The following PROSER3 variants were observed in gnomAD, a reference collection of about 807,000 sequenced individuals.
The protein encoded by PROSER3 is proline and serine rich 3.
Under a neutral mutation model 50.2 loss-of-function variants are expected in PROSER3, and 33 were observed. That is an observed-to-expected ratio of 0.66 (90% CI 0.50 to 0.88). PROSER3 has a LOEUF of 0.88. Among genes scored for constraint, PROSER3 ranks in the 40% least tolerant of loss-of-function variants. The pLI is 0.00. For synonymous variants in PROSER3, 266 were observed against 259.3 expected (o/e 1.03, Z -0.25); for missense variants, 623 against 612.7 (o/e 1.02, Z -0.18).
intron 8 of PROSER3, chr19:35,767,223 G>T: frequency 2.4e-6 from 1 of 418,616 alleles, no homozygotes. Flanking sequence ...CACATCTTTT[G>T]GGCCCCCAGC....
chr19:35,761,423 G>A (rs948766809), intron 3 of PROSER3, among the ~76,000 whole-genome samples: 1 of 152,146 alleles, frequency 6.6e-6, no homozygotes, highest in Non-Finnish European at 1.5e-5. Context: ...TGTAATTCCA[G>A]CACTTTGGGA....
At chr19:35,762,422 TAGA>T (rs774349425) in intron 5 of PROSER3, 66 bp downstream of exon 5, 15 of 1,414,236 alleles carry the variant, frequency 1.1e-5, no homozygotes, top group Admixed American at 4.0e-5. Context: ...AGGACAGAAT[TAGA>T]AGATCAGGAG....
chr19:35,763,549 G>T lies in PROSER3; in HGVS notation c.543+1193G>T, dbSNP rs139633282. 1.4e-3 allele frequency among the ~76,000 whole-genome samples: 198 copies of T among 142,140 alleles called. 5 individuals are homozygous for T. In the East Asian group the frequency reaches 0.037, roughly 27 times the overall value. The allele number at this position is 142,140 out of a possible 152,430, so 93.2% of individuals were successfully genotyped here. ...GACGGAGTCTTGTGCTGTCATCCAG[G>T]CTGGAGTGCAGTGGCGCGATCTCGG... is the stretch of plus-strand genomic sequence containing the variant. On this transcript the variant is annotated intron_variant, in intron 5 of 10. Transcript: ENST00000396908.
At chr19:35,764,819 G>C in intron 5 of PROSER3, 35 bp from the exon 6 acceptor site, 1 of 1,585,064 alleles carries the variant, frequency 6.3e-7, no homozygotes, top group Non-Finnish European at 8.6e-7. Flanking sequence ...GCAGCCTTTG[G>C]GTTGGGGCTG....
chr19:35,758,188 C>A (rs940206213), exon 1 of PROSER3: 29 of 1,555,894 alleles, frequency 1.9e-5, no homozygotes, highest in Non-Finnish European at 2.1e-5. Context: ...AGGAGCAGAG[C>A]GGCCGGAAGC....
At chr19:35,759,446 C>T (rs1327715087) in exon 2 of PROSER3, 1 of 1,613,102 alleles carries the variant, frequency 6.2e-7, no homozygotes, top group South Asian at 1.1e-5. Context: ...ACTGGCCATC[C>T]CAGAGCCAGA....
chr19:35,768,916 A>G (rs1971264257), exon 11 of PROSER3: 1 of 162,726 alleles, frequency 6.1e-6, no homozygotes. Context: ...GCTATAGCCC[A>G]CACATGCTTG....
At chr19:35,767,031 C>CCT (rs35876904) in intron 8 of PROSER3, 41 bp from the exon 9 acceptor site, 8 of 1,380,654 alleles carry the variant, frequency 5.8e-6, no homozygotes, top group African/African-American at 1.5e-5. Context: ...GACCCTCCAC[C>CCT]CTCTCTCTCT....
intron 2 of PROSER3, 78 bp from the exon 3 acceptor site, chr19:35,759,711 G>A: frequency 7.4e-7 from 1 of 1,348,216 alleles, no homozygotes; most frequent in East Asian, 2.5e-5. Flanking sequence ...CTGAGACTTT[G>A]TGTGTGTCCT....
At chr19:35,764,369 C>T (rs1599752745) in intron 5 of PROSER3, among the ~76,000 whole-genome samples, 1 of 152,172 alleles carries the variant, frequency 6.6e-6, no homozygotes, top group African/African-American at 2.4e-5. Flanking sequence ...ATGAAAGGTG[C>T]TAATCCACCG....
At chr19:35,759,346 C>G in intron 1 of PROSER3, 28 bp from the exon 2 acceptor site, 4 of 1,598,522 alleles carry the variant, frequency 2.5e-6, no homozygotes, top group Non-Finnish European at 3.4e-6. Context: ...AAACCACGTG[C>G]TGCCTGAACC....
Position 35,768,077 on chromosome 19 carries a change from G to T in PROSER3, c.1219+12G>T. The T allele has an allele frequency of 6.3e-7, 1 of 1,585,854 alleles. No individual in the cohort carries two copies. ...GCAGGCTGCAGAAGGTGATGCCCGC[G>T]CCCTCCTGGATGTTGGAGGCAGGCC... On this transcript the variant is annotated intron_variant, in intron 9 of 10. Coordinates refer to ENST00000396908, the Ensembl canonical transcript of PROSER3.
chr19:35,758,223 G>T, exon 1 of PROSER3: 1 of 1,562,338 alleles, frequency 6.4e-7, no homozygotes, highest in African/African-American at 1.4e-5. Context: ...GGGATGGACC[G>T]CAGGTGAGGC....
intron 1 of PROSER3, 132 bp downstream of exon 1, chr19:35,758,358 A>G: frequency 8.1e-7 from 1 of 1,233,628 alleles, no homozygotes; most frequent in Non-Finnish European, 1.1e-6. Flanking sequence ...ACAATTCCCA[A>G]CATGCTCCAC....
chr19:35,764,660 A>G (rs2146601931), intron 5 of PROSER3, among the ~76,000 whole-genome samples, 194 bp from the exon 6 acceptor site: 1 of 152,038 alleles, frequency 6.6e-6, no homozygotes, highest in East Asian at 1.9e-4. Context: ...ATCTCAAAAA[A>G]AAAAAGAAAA....
chr19:35,769,910 G>A (rs1028440908), downstream of PROSER3: 1 of 151,274 alleles, frequency 6.6e-6, no homozygotes, highest in African/African-American at 2.4e-5. Flanking sequence ...TTCTTTGTTT[G>A]TTTGTTTGTT....
chr19:35,760,763 A>G (rs2146565257), intron 3 of PROSER3, among the ~76,000 whole-genome samples: 1 of 152,212 alleles, frequency 6.6e-6, no homozygotes, highest in East Asian at 1.9e-4. Context: ...CTGGGATTAC[A>G]GGTGTGAGCC....
intron 1 of PROSER3, chr19:35,759,058 T>C (rs1055230570): frequency 5.6e-5 from 15 of 269,590 alleles, no homozygotes; most frequent in African/African-American, 1.5e-4. Flanking sequence ...CTAATAGATA[T>C]TCTGATTCTG....
At chr19:35,763,103 T>C (rs1971013101) in intron 5 of PROSER3, 1 of 152,080 alleles carries the variant, frequency 6.6e-6, no homozygotes, top group African/African-American at 2.4e-5. Context: ...ATTTGCTGGC[T>C]AATGTAATTG....
Sources: gnomAD v4.1 joint callset for allele counts (sites outside exome capture counted in the v4.1 genomes callset) on GRCh38, gnomAD v4.1.1 for gene constraint, MANE v1.5 for transcripts, NCBI Gene and HGNC (gene_info 2026-07-23, HGNC 2026-07-21) for gene names.